The following PEAK1 variants were observed in gnomAD, a reference collection of about 807,000 sequenced individuals.
PEAK1 encodes the protein inactive tyrosine-protein kinase PEAK1.
Under a neutral mutation model 124.7 loss-of-function variants are expected in PEAK1, and 54 were observed. That is an observed-to-expected ratio of 0.43 (90% CI 0.35 to 0.54). The LOEUF (loss-of-function observed/expected upper bound fraction) is 0.54. PEAK1 is among the 20% of genes least tolerant of loss of function. PEAK1 has a pLI of 0.01. For synonymous variants in PEAK1, 719 were observed against 760.0 expected, an observed-to-expected ratio of 0.95 and a Z score of 0.89; for missense variants, 2,046 against 2,134.5, an observed-to-expected ratio of 0.96 and a Z score of 0.82.
intron 8 of PEAK1, among the ~76,000 whole-genome samples, chr15:77,148,153 C>T (rs923047621): frequency 2.0e-5 from 3 of 152,224 alleles, no homozygotes; most frequent in Non-Finnish European, 4.4e-5. Flanking sequence ...ATATGGGTTG[C>T]ATAAATCAGG....
At chr15:77,159,039 G>T (rs945291853) in intron 7 of PEAK1, among the ~76,000 whole-genome samples, 4 of 152,096 alleles carry the variant, frequency 2.6e-5, no homozygotes, top group Non-Finnish European at 5.9e-5. Context: ...CAAGTATTTA[G>T]TAAAGTATTT....
intron 1 of PEAK1, among the ~76,000 whole-genome samples, chr15:77,372,563 G>A (rs1038725343): frequency 1.3e-5 from 2 of 152,144 alleles, no homozygotes; most frequent in Admixed American, 1.3e-4. Context: ...TGAATGCTTA[G>A]TATAGCCCTG....
chr15:77,266,219 T>C (rs1015190746), intron 5 of PEAK1, among the ~76,000 whole-genome samples: 2 of 152,084 alleles, frequency 1.3e-5, no homozygotes, highest in African/African-American at 4.8e-5. Flanking sequence ...AACCTGCACA[T>C]TGTGCACATG....
chr15:77,266,553 C>G (rs957353880), intron 5 of PEAK1, among the ~76,000 whole-genome samples: 4 of 152,178 alleles, frequency 2.6e-5, no homozygotes, highest in Non-Finnish European at 5.9e-5. Context: ...AATCTCATGA[C>G]ATAATGTCCA....
At chr15:77,363,754 G>T (rs2068049520) in intron 2 of PEAK1, among the ~76,000 whole-genome samples, 1 of 152,088 alleles carries the variant, frequency 6.6e-6, no homozygotes, top group Non-Finnish European at 1.5e-5. Flanking sequence ...CATGGATGAA[G>T]CTTAAAAACT....
In PEAK1 at chr15:77,235,260, GTAACA is replaced by G. The variant is rs1262686664; in HGVS notation, c.-115+17102_-115+17106del. 2.0e-5 allele frequency among the ~76,000 whole-genome samples: 3 copies of G among 151,974 alleles called. No individual in the cohort carries two copies. The East Asian group carries it at 5.8e-4, about 29-fold the overall frequency. On this transcript the variant is annotated intron_variant, in intron 6 of 9. Coordinates refer to ENST00000682557, the MANE Select transcript of PEAK1 (RefSeq NM_001385026.1). ...AATGTGGAAGTGACTTTGGAACTGGGTAACAAGCAGAGGATGGAACAGTTTGGAGG... is the reference window on the plus strand; with the variant it reads ...AATGTGGAAGTGACTTTGGAACTGGGAGCAGAGGATGGAACAGTTTGGAGG...
chr15:77,377,110 GGCA>G, intron 1 of PEAK1, among the ~76,000 whole-genome samples: 1 of 76,812 alleles, frequency 1.3e-5, no homozygotes, highest in Non-Finnish European at 3.7e-5. Context: ...AGGGGCTGGG[GGCA>G]GTGGCTCATG....
chr15:77,350,974 A>T, intron 2 of PEAK1: 1 of 981,104 alleles, frequency 1.0e-6, no homozygotes, highest in Non-Finnish European at 1.2e-6. Flanking sequence ...TTCAATACAC[A>T]TCTATTAAGC....
intron 6 of PEAK1, among the ~76,000 whole-genome samples, chr15:77,219,451 G>C (rs1313682833): frequency 6.6e-6 from 1 of 152,034 alleles, no homozygotes; most frequent in Admixed American, 6.6e-5. Context: ...AGTTAATTTG[G>C]TAAACAACAG....
chr15:77,160,364 A>C (rs2055523687), intron 7 of PEAK1, among the ~76,000 whole-genome samples: 1 of 152,216 alleles, frequency 6.6e-6, no homozygotes, highest in Non-Finnish European at 1.5e-5. Flanking sequence ...CAAAGCAATA[A>C]ATATAAAGTC....
At chr15:77,120,658 C>T (rs1373999234) in intron 9 of PEAK1, among the ~76,000 whole-genome samples, 1 of 152,234 alleles carries the variant, frequency 6.6e-6, no homozygotes, top group Non-Finnish European at 1.5e-5. Context: ...CTAATGTGAT[C>T]CCCTCGAATA....
rs1016486585 is a variant in PEAK1 at position 77,111,638 on chromosome 15, C to G, written c.*2518G>C. On this transcript the variant is annotated 3_prime_UTR_variant, in exon 10 of 10. Transcript: ENST00000682557. ...TGAAGAGGTGCTTGGTTTACCAGTG[C>G]TGTAAGATAATGGTAGTGGAGGTGT... 1 of 152,026 alleles carries G rather than the reference C, an allele frequency of 6.6e-6. No homozygotes were observed. Among genetic ancestry groups the G allele is most frequent in the Admixed American group, 6.6e-5 (1 of 15,252 alleles). 9.4% of individuals were successfully genotyped at this position (152,026 alleles called of 1,614,324 possible).
intron 5 of PEAK1, among the ~76,000 whole-genome samples, chr15:77,281,929 G>A (rs2062695912): frequency 6.6e-6 from 1 of 152,028 alleles, no homozygotes; most frequent in Non-Finnish European, 1.5e-5. Flanking sequence ...TTAAAACTCT[G>A]AATCAACCCA....
At chr15:77,124,986 ATC>A (rs2052250069) in intron 9 of PEAK1, among the ~76,000 whole-genome samples, 1 of 152,154 alleles carries the variant, frequency 6.6e-6, no homozygotes, top group East Asian at 1.9e-4. Flanking sequence ...TTTCATTATA[ATC>A]TGTTTTAAGA....
rs1488470463 is a variant in PEAK1, at chr15:77,180,674, G to T, written c.1253C>A (p.Ala418Asp). 8 of 1,614,052 alleles carry T rather than the reference G, an allele frequency of 5.0e-6. No individual in the cohort carries two copies. Among genetic ancestry groups the T allele is most frequent in the African/African-American group, 1.3e-5 (1 of 74,914 alleles). The change falls in exon 7 of 10, where the codon GCT becomes GAT. Residue 418 changes from alanine (A) to aspartate (D), a missense_variant. Coordinates refer to ENST00000682557, the MANE Select transcript of PEAK1 (RefSeq NM_001385026.1). ...GCCATCTTTCTCTTCTAATCGGAGA[G>T]CAAGGACTGCTTTGTGGGTCTCTGG... The part of the protein sequence containing the change: ...KVPETHKAVL[A>D]LRLEEKDGKI...
At chr15:77,251,741 T>C (rs191505286) in intron 6 of PEAK1, among the ~76,000 whole-genome samples, 3 of 150,766 alleles carry the variant, frequency 2.0e-5, no homozygotes, top group South Asian at 2.1e-4. Flanking sequence ...CCTTCAATCA[T>C]GCCATGTGAA....
chr15:77,252,305 ATTCT>A (rs779112674), intron 6 of PEAK1, 58 bp downstream of exon 6: 115 of 896,396 alleles, frequency 1.3e-4, no homozygotes, highest in Non-Finnish European at 1.4e-4. Flanking sequence ...TTAAAAAGAA[ATTCT>A]TTCCAGTCAT....
At chr15:77,395,334 G>T (rs2070791763) in intron 1 of PEAK1, among the ~76,000 whole-genome samples, 1 of 152,110 alleles carries the variant, frequency 6.6e-6, no homozygotes, top group Non-Finnish European at 1.5e-5. Context: ...CCAAATCCAA[G>T]AGTTATTGCG....
intron 2 of PEAK1, among the ~76,000 whole-genome samples, chr15:77,331,597 G>T (rs778317051): frequency 1.3e-5 from 2 of 152,006 alleles, no homozygotes; most frequent in Non-Finnish European, 2.9e-5. Context: ...TTTAGATCAT[G>T]AATGCTTTTA....
Sources: allele counts gnomAD v4.1 joint callset (sites outside exome capture counted in the v4.1 genomes callset), GRCh38; gene constraint gnomAD v4.1.1; transcripts MANE v1.5; gene names NCBI Gene and HGNC (gene_info 2026-07-23, HGNC 2026-07-21).